NAALADL2: variants seen among roughly 807,000 people sequenced by gnomAD.
NAALADL2 encodes the protein N-acetylated alpha-linked acidic dipeptidase like 2.
Under a neutral mutation model 87.2 loss-of-function variants are expected in NAALADL2, and 76 were observed. The observed-to-expected ratio is 0.87, with a 90% confidence interval of 0.72 to 1.05. NAALADL2 has a LOEUF of 1.05. NAALADL2 is among the 50% of genes least tolerant of loss of function. The pLI is 0.00. For missense variants in NAALADL2, 1,089 were observed against 945.8 expected, an observed-to-expected ratio of 1.15 and a Z score of -1.99; for synonymous variants, 354 against 331.0, an observed-to-expected ratio of 1.07 and a Z score of -0.75.
intron 9 of NAALADL2, among the ~76,000 whole-genome samples, chr3:175,500,230 T>C (rs563980772): frequency 6.6e-5 from 10 of 152,154 alleles, no homozygotes; most frequent in South Asian, 6.2e-4. Flanking sequence ...CTGCCATTAG[T>C]GAAGTCTAGA....
chr3:174,794,278 T>C (rs1717810764), intron 3 of NAALADL2, among the ~76,000 whole-genome samples: 1 of 152,130 alleles, frequency 6.6e-6, no homozygotes, highest in Non-Finnish European at 1.5e-5. Flanking sequence ...AAGCGGCAAG[T>C]ATTTTACTTT....
chr3:175,792,705 C>A (rs762938326), intron 13 of NAALADL2, among the ~76,000 whole-genome samples: 2 of 152,166 alleles, frequency 1.3e-5, no homozygotes, highest in African/African-American at 2.4e-5. Flanking sequence ...AAGCCGTACT[C>A]ACATTGGCTT....
chr3:174,932,619 C>A (rs369147866), intron 1 of NAALADL2, among the ~76,000 whole-genome samples: 1 of 152,092 alleles, frequency 6.6e-6, no homozygotes, highest in Non-Finnish European at 1.5e-5. Context: ...ATAAGCCCTG[C>A]TGGACCCTGG....
At chr3:175,428,999 A>G (rs1717281842) in intron 5 of NAALADL2, among the ~76,000 whole-genome samples, 1 of 152,070 alleles carries the variant, frequency 6.6e-6, no homozygotes, top group Non-Finnish European at 1.5e-5. Context: ...AAAAGGGCTT[A>G]AGAAACCAAA....
intron 3 of NAALADL2, among the ~76,000 whole-genome samples, chr3:174,782,830 G>A (rs1310394676): frequency 2.6e-5 from 4 of 152,020 alleles, no homozygotes; most frequent in African/African-American, 4.8e-5. Flanking sequence ...ACAGCATGGA[G>A]GTAACCGCCC....
chr3:174,560,802 G>A (rs925087907), intron 2 of NAALADL2, among the ~76,000 whole-genome samples: 1 of 151,858 alleles, frequency 6.6e-6, no homozygotes, highest in Non-Finnish European at 1.5e-5. Flanking sequence ...TTTTTTATTT[G>A]GTATCTTAGT....
intron 1 of NAALADL2, among the ~76,000 whole-genome samples, chr3:174,924,949 C>G (rs1445967705): frequency 2.0e-5 from 3 of 152,112 alleles, no homozygotes; most frequent in Non-Finnish European, 4.4e-5. Flanking sequence ...TGTTTAAGTT[C>G]TTTGTAGATT....
chr3:174,775,189 G>C (rs917836398), intron 3 of NAALADL2, among the ~76,000 whole-genome samples: 2 of 151,962 alleles, frequency 1.3e-5, no homozygotes, highest in African/African-American at 4.8e-5. Flanking sequence ...ATGCAGTTCA[G>C]TGGTTTTTAT....
chr3:175,695,847 C>T (rs867456016), intron 11 of NAALADL2, among the ~76,000 whole-genome samples: 8 of 152,084 alleles, frequency 5.3e-5, no homozygotes, highest in Middle Eastern at 3.4e-3. Flanking sequence ...GATGGTGATA[C>T]GGTTTATCAG....
At chr3:175,437,111 CT>C (rs1355790691) in intron 5 of NAALADL2, among the ~76,000 whole-genome samples, 1 of 150,422 alleles carries the variant, frequency 6.6e-6, no homozygotes, top group African/African-American at 2.5e-5. Context: ...ATAGGGAATC[CT>C]TTCCCCATTG....
At chr3:175,486,729 G>GT (rs371345789) in intron 9 of NAALADL2, among the ~76,000 whole-genome samples, 109 of 151,344 alleles carry the variant, frequency 7.2e-4, no homozygotes, top group East Asian at 7.8e-4. Flanking sequence ...TATATGAAAT[G>GT]TTTTTTTTTC....
chr3:175,433,913 G>A (rs1032553218), intron 5 of NAALADL2, among the ~76,000 whole-genome samples: 1 of 151,892 alleles, frequency 6.6e-6, no homozygotes, highest in Non-Finnish European at 1.5e-5. Flanking sequence ...ATGAATCTGT[G>A]TCTCATTAAC....
At chr3:175,027,464 G>A (rs1006521760) in intron 1 of NAALADL2, among the ~76,000 whole-genome samples, 1 of 151,988 alleles carries the variant, frequency 6.6e-6, no homozygotes, top group Non-Finnish European at 1.5e-5. Flanking sequence ...ATAACGGTAT[G>A]ATTTTATTAT....
intron 2 of NAALADL2, among the ~76,000 whole-genome samples, chr3:174,712,720 A>G (rs1023392270): frequency 2.0e-5 from 3 of 152,112 alleles, no homozygotes; most frequent in African/African-American, 7.2e-5. Context: ...TATTTCATGT[A>G]AAAGAAGAAG....
chr3:175,169,926 C>T (rs1012346260), intron 2 of NAALADL2, among the ~76,000 whole-genome samples: 1 of 150,812 alleles, frequency 6.6e-6, no homozygotes, highest in South Asian at 2.1e-4. Context: ...TATTTCAAAG[C>T]ATTTCCTTGA....
At chr3:175,666,926 C>T (rs1206962677) in intron 11 of NAALADL2, among the ~76,000 whole-genome samples, 1 of 151,998 alleles carries the variant, frequency 6.6e-6, no homozygotes, top group East Asian at 1.9e-4. Flanking sequence ...AATTAATCTA[C>T]TTCTTCCTGG....
intron 11 of NAALADL2, among the ~76,000 whole-genome samples, chr3:175,703,276 G>A (rs753380593): frequency 1.3e-5 from 2 of 152,252 alleles, no homozygotes; most frequent in Admixed American, 6.5e-5. Context: ...TTGGGAACAA[G>A]CAGAGTAATT....
At chr3:174,725,951 G>T (rs1732142038) in intron 2 of NAALADL2, among the ~76,000 whole-genome samples, 2 of 152,128 alleles carry the variant, frequency 1.3e-5, no homozygotes, top group Admixed American at 1.3e-4. Context: ...GTGAATTGTT[G>T]TATTCCTCAT....
chr3:175,681,728 A>G (rs987916455), intron 11 of NAALADL2, among the ~76,000 whole-genome samples: 1 of 152,176 alleles, frequency 6.6e-6, no homozygotes, highest in African/African-American at 2.4e-5. Flanking sequence ...AGGCAATGGC[A>G]ATGAAGAGTT....
Sources: allele counts gnomAD v4.1 joint callset (sites outside exome capture counted in the v4.1 genomes callset), GRCh38; gene constraint gnomAD v4.1.1; transcripts MANE v1.5; gene names NCBI Gene and HGNC (gene_info 2026-07-23, HGNC 2026-07-21).